The following HPR variants were observed in gnomAD, a reference collection of about 807,000 sequenced individuals.
The protein encoded by HPR is Haptoglobin-related locus.
Under a neutral mutation model 18.5 loss-of-function variants are expected in HPR, and 17 were observed. The observed-to-expected ratio is 0.92, with a 90% CI of 0.63 to 1.38. The LOEUF (loss-of-function observed/expected upper bound fraction) is 1.38, where lower values mean the gene tolerates loss of function less well. Among genes scored for constraint, HPR ranks in the 40% most tolerant of loss-of-function variants. The probability of loss-of-function intolerance (pLI) is 0.00; values close to 1 mark genes in which losing one functional copy is unlikely to be tolerated. For missense variants in HPR, 457 were observed against 432.4 expected, an observed-to-expected ratio of 1.06 and a Z score of -0.51; for synonymous variants, 176 against 165.0, an observed-to-expected ratio of 1.07 and a Z score of -0.51.
Position 72,074,394 on chromosome 16 carries a change from T to C in HPR, c.193+9T>C. ...GCGCACAGAAGGAGATGGTAAGACC[T>C]GGACAACTATCTCTGTGCTCTACCT... On this transcript the variant is annotated intron_variant, in intron 3 of 4. Transcript: ENST00000540303. 6.3e-7 allele frequency: 1 copy of C among 1,585,638 alleles called. No homozygotes were observed. The highest frequency in any genetic ancestry group is 8.7e-7 in the Non-Finnish European group (1 of 1,154,056).
rs1214194447 is a variant in HPR, at chr16:72,076,745, T to C, written c.711T>C (p.His237=). The change falls in exon 5 of 5, where the codon CAT becomes CAC. Residue 237 remains histidine, a synonymous_variant. Coordinates refer to ENST00000540303, the MANE Select transcript of HPR (RefSeq NM_020995.4). ...GQSDNFKLTD[H]LKYVMLPVAD... is the part of the protein sequence containing the mutation. The stretch of plus-strand genomic sequence containing the variant: ...GTGACAACTTTAAACTTACTGACCA[T>C]CTGAAGTATGTCATGCTGCCTGTGG... 1 of 1,614,074 alleles carries C rather than the reference T, an allele frequency of 6.2e-7. No homozygotes were observed.
chr16:72,074,107 G>A (rs1355852300), intron 2 of HPR, 130 bp downstream of exon 2: 26 of 1,368,590 alleles, frequency 1.9e-5, no homozygotes, highest in Non-Finnish European at 2.5e-5. Flanking sequence ...TGGGCTTTCA[G>A]GACTGCCAAG....
At chr16:72,073,678 C>A in intron 1 of HPR, 1 of 1,442,196 alleles carries the variant, frequency 6.9e-7, no homozygotes, top group Non-Finnish European at 9.2e-7. Flanking sequence ...GCAGCTAAAG[C>A]GTGTATGTGG....
At chr16:72,070,958 G>A (rs773165563) in intron 1 of HPR, among the ~76,000 whole-genome samples, 1 of 152,154 alleles carries the variant, frequency 6.6e-6, no homozygotes, top group Non-Finnish European at 1.5e-5. Context: ...CCACCAAACT[G>A]TAAGCCACTG....
intron 1 of HPR, among the ~76,000 whole-genome samples, chr16:72,072,786 C>T (rs1313601189): frequency 6.6e-6 from 1 of 151,986 alleles, no homozygotes; most frequent in Non-Finnish European, 1.5e-5. Context: ...TTTAGAAGAC[C>T]CAAGTAGAAT....
At chr16:72,071,347 C>T (rs2041653391) in intron 1 of HPR, among the ~76,000 whole-genome samples, 2 of 152,308 alleles carry the variant, frequency 1.3e-5, no homozygotes, top group African/African-American at 4.8e-5. Context: ...GAATGTTATG[C>T]TTGTGCTCAC....
chr16:72,072,961 T>G (rs2041673252), intron 1 of HPR, among the ~76,000 whole-genome samples: 2 of 152,162 alleles, frequency 1.3e-5, no homozygotes, highest in Admixed American at 1.3e-4. Flanking sequence ...TTACTCTCTG[T>G]GTTCTCCCTG....
chr16:72,076,459 C>T lies in HPR; in HGVS notation c.425C>T (p.Thr142Met), dbSNP rs762779593. ...TLINEQWLLT[T>M]AKNLFLNHSE... Reference sequence around the variant, plus strand: ...ATCAATGAACAATGGCTGCTGACCACGGCTAAAAATCTCTTCCTGAACCAT... The same window carrying T: ...ATCAATGAACAATGGCTGCTGACCATGGCTAAAAATCTCTTCCTGAACCAT... Residue 142 changes from threonine to methionine, a missense_variant, in exon 5 of 5, where the codon ACG becomes ATG. Transcript: ENST00000540303. 57 of 1,614,038 alleles carry T rather than the reference C, an allele frequency of 3.5e-5. No individual in the cohort carries two copies. The highest frequency in any genetic ancestry group is 2.7e-4 in the Admixed American group (16 of 59,996).
chr16:72,075,727 T>C (rs1379640453), intron 4 of HPR, among the ~76,000 whole-genome samples: 2 of 152,218 alleles, frequency 1.3e-5, no homozygotes, highest in Admixed American at 6.5e-5. Flanking sequence ...TCGTATTAAC[T>C]GCAACATCTA....
chr16:72,064,196 G>A (rs1387960217), intron 1 of HPR, among the ~76,000 whole-genome samples: 1 of 152,160 alleles, frequency 6.6e-6, no homozygotes, highest in Non-Finnish European at 1.5e-5. Context: ...GCATTTTGGG[G>A]TTTGAGATAC....
At chr16:72,073,780 A>G (rs1567590011) in intron 1 of HPR, 112 bp from the exon 2 acceptor site, 1 of 1,588,380 alleles carries the variant, frequency 6.3e-7, no homozygotes, top group Non-Finnish European at 8.6e-7. Flanking sequence ...GTGTGTATGC[A>G]TGTGTGTGTG....
intron 1 of HPR, among the ~76,000 whole-genome samples, chr16:72,068,337 G>A (rs1296170910): frequency 6.6e-6 from 1 of 152,092 alleles, no homozygotes; most frequent in South Asian, 2.1e-4. Context: ...CGAAGGAATC[G>A]TGTCCTTACC....
At chr16:72,070,175 C>T (rs2041639710) in intron 1 of HPR, among the ~76,000 whole-genome samples, 1 of 152,202 alleles carries the variant, frequency 6.6e-6, no homozygotes, top group Admixed American at 6.5e-5. Flanking sequence ...TGTTAAGAAT[C>T]CGAACTGCTC....
chr16:72,066,305 C>A (rs545269008), intron 1 of HPR, among the ~76,000 whole-genome samples: 2 of 152,132 alleles, frequency 1.3e-5, no homozygotes, highest in African/African-American at 4.8e-5. Context: ...CTCAGTTATA[C>A]ACTTGGGTCG....
Position 72,074,352 on chromosome 16 carries a change from AAG to A in HPR, c.162_163del (p.Asn55LeufsTer16). The A allele has an allele frequency of 6.2e-7, 1 of 1,613,966 alleles. No homozygotes were observed. Among genetic ancestry groups the A allele is most frequent in the Non-Finnish European group, 8.5e-7 (1 of 1,179,880 alleles). ...YVEHLFRYQC[K>X]NYYRLRTEGD... ...GGAGCACTTGTTTCGCTACCAGTGT[AAG>A]AACTACTACAGACTGCGCACAGAAG... On this transcript the variant is annotated frameshift_variant, in exon 3 of 5. Transcript: ENST00000540303. LOFTEE classifies it high-confidence loss of function.
rs146265554 is a variant in HPR, at chr16:72,073,335, G to A, written c.6-557G>A. On this transcript the variant is annotated intron_variant, in intron 1 of 4. Transcript: ENST00000540303. ...GAGAGACCCTTTGTCCTTTGTCTCAGTGCTAGTTCTTCTTTGCAGCACCAA... is the reference window on the plus strand; with the variant it reads ...GAGAGACCCTTTGTCCTTTGTCTCAATGCTAGTTCTTCTTTGCAGCACCAA... Among the ~76,000 whole-genome samples the A allele has an allele frequency of 3.3e-3, 504 of 152,302 alleles. 2 individuals carry two copies. The highest frequency in any genetic ancestry group is 0.01 in the Middle Eastern group (3 of 294).
Position 72,065,891 on chromosome 16 carries a change from C to T in HPR, c.5+2631C>T, listed in dbSNP as rs187765096. Among the ~76,000 whole-genome samples, 6 of 152,220 alleles carry T rather than the reference C, an allele frequency of 3.9e-5. No homozygotes were observed. In the East Asian group the frequency reaches 7.8e-4, roughly 20 times the overall value. On this transcript the variant is annotated intron_variant, in intron 1 of 4. Coordinates refer to ENST00000540303, the MANE Select transcript of HPR (RefSeq NM_020995.4). ...CTAGACTGTCTTCCTTTGCTTACTGCCCCAATCCTAACCCCCCTACTCCTC... is the reference window on the plus strand; with the variant it reads ...CTAGACTGTCTTCCTTTGCTTACTGTCCCAATCCTAACCCCCCTACTCCTC...
Position 72,076,832 on chromosome 16 carries a change from G to C in HPR, c.798G>C (p.Pro266=), listed in dbSNP as rs771432340. ...EGSTCPKWKA[P]KSPVGVQPIL... ...GCACATGCCCCAAATGGAAGGCACC[G>C]AAGAGCCCTGTAGGGGTGCAGCCCA... is the stretch of plus-strand genomic sequence containing the variant. Residue 266 remains proline, a synonymous_variant, in exon 5 of 5, where the codon CCG becomes CCC. Transcript: ENST00000540303. 6.2e-7 allele frequency: 1 copy of C among 1,614,232 alleles called. No individual in the cohort carries two copies. Among genetic ancestry groups the C allele is most frequent in the African/African-American group, 1.3e-5 (1 of 75,068 alleles).
intron 1 of HPR, among the ~76,000 whole-genome samples, chr16:72,069,041 G>A (rs1211025122): frequency 6.6e-6 from 1 of 152,174 alleles, no homozygotes. Context: ...GTAATCGATG[G>A]AGAAATTCTC....
Sources: allele counts gnomAD v4.1 joint callset (sites outside exome capture counted in the v4.1 genomes callset), GRCh38; gene constraint gnomAD v4.1.1; transcripts MANE v1.5; gene names NCBI Gene and HGNC (gene_info 2026-07-23, HGNC 2026-07-21).